The following KCNC2 variants were observed in gnomAD, a reference collection of about 807,000 sequenced individuals.
The protein encoded by KCNC2 is voltage-gated potassium channel KCNC2.
A neutral mutation model predicts 44.5 loss-of-function variants in KCNC2; 21 were observed. The ratio of observed to expected loss-of-function variants is 0.47; its 90% confidence interval spans 0.33 to 0.68. KCNC2 has a LOEUF of 0.68. Among genes scored for constraint, KCNC2 ranks in the 30% least tolerant of loss-of-function variants. KCNC2 has a pLI of 0.01. For missense variants in KCNC2, 589 were observed against 826.2 expected, an observed-to-expected ratio of 0.71 and a Z score of 3.52; for synonymous variants, 391 against 339.1, an observed-to-expected ratio of 1.15 and a Z score of -1.68.
At chr12:75,110,779 A>C (rs563503065) in intron 2 of KCNC2, among the ~76,000 whole-genome samples, 2 of 151,984 alleles carry the variant, frequency 1.3e-5, no homozygotes, top group African/African-American at 2.4e-5. Context: ...ATATATATTA[A>C]AGTTATAAAG....
chr12:75,083,777 A>T (rs1030202123), intron 2 of KCNC2, among the ~76,000 whole-genome samples: 20 of 152,016 alleles, frequency 1.3e-4, no homozygotes, highest in African/African-American at 4.8e-4. Flanking sequence ...CAACATTTTA[A>T]TCCTTTAGAA....
chr12:75,174,439 A>G (rs745327177), intron 2 of KCNC2, among the ~76,000 whole-genome samples: 47 of 152,008 alleles, frequency 3.1e-4, no homozygotes, highest in Non-Finnish European at 5.7e-4. Flanking sequence ...TGACACATAG[A>G]TTCCCCTATG....
At chr12:75,202,447 A>T (rs1358707310) in intron 2 of KCNC2, among the ~76,000 whole-genome samples, 1 of 151,866 alleles carries the variant, frequency 6.6e-6, no homozygotes, top group Non-Finnish European at 1.5e-5. Context: ...GTCAAAAGAC[A>T]CTTCAATGCT....
intron 2 of KCNC2, among the ~76,000 whole-genome samples, chr12:75,053,293 C>T (rs996139811): frequency 1.3e-5 from 2 of 152,070 alleles, no homozygotes; most frequent in Middle Eastern, 3.2e-3. Context: ...TTCACCATCC[C>T]TACTTTAGAC....
chr12:75,164,861 T>G (rs998510285), intron 2 of KCNC2, among the ~76,000 whole-genome samples: 5 of 151,290 alleles, frequency 3.3e-5, no homozygotes, highest in African/African-American at 1.2e-4. Flanking sequence ...TTATTGAATA[T>G]TCATTATTAC....
chr12:75,091,554 C>A (rs565296448), intron 2 of KCNC2, among the ~76,000 whole-genome samples: 2 of 151,700 alleles, frequency 1.3e-5, no homozygotes, highest in African/African-American at 4.8e-5. Context: ...TTTATCCTCA[C>A]GAAACCTAGC....
At chr12:75,135,740 T>A (rs1047750747) in intron 2 of KCNC2, among the ~76,000 whole-genome samples, 5 of 152,040 alleles carry the variant, frequency 3.3e-5, no homozygotes, top group African/African-American at 9.6e-5. Flanking sequence ...ATAGATTTGA[T>A]CTCTACCCAC....
intron 2 of KCNC2, among the ~76,000 whole-genome samples, chr12:75,121,921 C>T (rs1888071346): frequency 7.2e-6 from 1 of 138,332 alleles, no homozygotes; most frequent in African/African-American, 2.7e-5. Context: ...GAATGCAGAA[C>T]TCTTGGTTAT....
chr12:75,167,091 A>G (rs921707444), intron 2 of KCNC2, among the ~76,000 whole-genome samples: 5 of 151,274 alleles, frequency 3.3e-5, no homozygotes, highest in Non-Finnish European at 7.4e-5. Context: ...AAACTTAGGA[A>G]TGAGAGGGTA....
chr12:75,159,160 T>A (rs772942371), intron 2 of KCNC2, among the ~76,000 whole-genome samples: 14 of 151,382 alleles, frequency 9.2e-5, no homozygotes, highest in Non-Finnish European at 1.5e-4. Flanking sequence ...GGGAGAAATA[T>A]CTAATGTAGA....
intron 2 of KCNC2, among the ~76,000 whole-genome samples, chr12:75,095,269 A>G (rs962580694): frequency 6.6e-5 from 10 of 151,762 alleles, no homozygotes; most frequent in African/African-American, 2.2e-4. Flanking sequence ...AAGCAACTCT[A>G]TTATATTCTC....
Position 75,207,372 on chromosome 12 carries a change from T to C in KCNC2, c.612A>G (p.Lys204=). The C allele has an allele frequency of 1.3e-6, 2 of 1,579,636 alleles. No individual in the cohort carries two copies. Among genetic ancestry groups the C allele is most frequent in the South Asian group, 2.3e-5 (2 of 86,874 alleles). The change falls in exon 2 of 5, where the codon AAA becomes AAG. Residue 204 remains lysine, a synonymous_variant. Transcript: ENST00000549446. The surrounding 1 kb of genome is among the most constrained non-coding windows in gnomAD (Gnocchi z 4.1). ...DAAGLGGPDG[K]SGRWRRLQPR... ...GCTGCAGCCTCCTCCAGCGGCCAGA[T>C]TTGCCGTCGGGGCCCCCGAGCCCCG...
At chr12:75,203,000 C>G (rs1264512069) in intron 2 of KCNC2, among the ~76,000 whole-genome samples, 1 of 151,584 alleles carries the variant, frequency 6.6e-6, no homozygotes. Flanking sequence ...ACTGTGTAAT[C>G]AATATTCATT....
At chr12:75,148,274 A>G (rs927458266) in intron 2 of KCNC2, among the ~76,000 whole-genome samples, 2 of 152,084 alleles carry the variant, frequency 1.3e-5, no homozygotes, top group Non-Finnish European at 2.9e-5. Context: ...ATGACTAGTA[A>G]AAGAATAAAT....
rs1340920197 is a variant in KCNC2, at chr12:75,207,185, C to A, written c.687+112G>T. ...CTCTAACTGTATCGCTAGGAAATCC[C>A]GGGTCTCTTCTACCCCCCATGCCTG... On this transcript the variant is annotated intron_variant, in intron 2 of 4. Coordinates refer to ENST00000549446, the MANE Select transcript of KCNC2 (RefSeq NM_139137.4). This position sits in a 1 kb window ranked among gnomAD's most constrained non-coding sequence, Gnocchi z 4.1. The A allele has an allele frequency of 6.9e-7, 1 of 1,452,500 alleles. No homozygotes were observed. The highest frequency in any genetic ancestry group is 2.9e-5 in the Admixed American group (1 of 34,494). The allele number at this position is 1,452,500 out of a possible 1,614,324, so 90.0% of individuals were successfully genotyped here.
chr12:75,137,402 A>AGCT (rs369813298), intron 2 of KCNC2, among the ~76,000 whole-genome samples: 5 of 152,306 alleles, frequency 3.3e-5, no homozygotes, highest in African/African-American at 1.2e-4. Flanking sequence ...TTCTATGAAC[A>AGCT]GCTGCAAATA....
At chr12:75,156,211 CAAACT>C (rs1303474529) in intron 2 of KCNC2, among the ~76,000 whole-genome samples, 1 of 151,406 alleles carries the variant, frequency 6.6e-6, no homozygotes, top group East Asian at 2.0e-4. Flanking sequence ...CAGGAGTCAG[CAAACT>C]ATGACTCACG....
At chr12:75,157,887 C>G (rs776632919) in intron 2 of KCNC2, among the ~76,000 whole-genome samples, 1 of 151,798 alleles carries the variant, frequency 6.6e-6, no homozygotes, top group Non-Finnish European at 1.5e-5. Context: ...CTTTATAAAC[C>G]TTTAGTTCAT....
intron 4 of KCNC2, among the ~76,000 whole-genome samples, chr12:75,045,463 C>T (rs1176635090): frequency 6.6e-6 from 1 of 151,794 alleles, no homozygotes; most frequent in African/African-American, 2.4e-5. Context: ...ATTAGTAAAA[C>T]TATATATTAT....
Sources: allele counts gnomAD v4.1 joint callset (sites outside exome capture counted in the v4.1 genomes callset), GRCh38; gene constraint gnomAD v4.1.1; non-coding constraint Gnocchi (gnomAD v3.1); transcripts MANE v1.5; gene names NCBI Gene and HGNC (gene_info 2026-07-23, HGNC 2026-07-21).